Variants in GPR25 observed in about 807,000 individuals in gnomAD.
GPR25 encodes G protein-coupled receptor 25.
For missense variants in GPR25, 501 were observed against 503.0 expected, an observed-to-expected ratio of 1.00 and a Z score of 0.04; for synonymous variants, 280 against 264.9, an observed-to-expected ratio of 1.06 and a Z score of -0.55.
rs1487750758 is a variant in GPR25, at chr1:200,873,417, C to T, written c.380C>T (p.Ala127Val). 6.6e-7 allele frequency: 1 copy of T among 1,506,438 alleles called. No homozygotes were observed. The highest frequency in any genetic ancestry group is 8.8e-7 in the Non-Finnish European group (1 of 1,137,048). 93.3% of individuals were successfully genotyped at this position (1,506,438 alleles called of 1,614,324 possible). The change falls in exon 1 of 1, where the codon GCG becomes GTG. Residue 127 changes from alanine to valine, a missense_variant. Physicochemically the swap from Ala to Val is moderately conservative, Grantham distance 64. Transcript: ENST00000304244. The part of the protein sequence containing the change: ...FALAGTRCAG[A>V]LLLAGMSVDR... ...CTGGCGGGCACGCGCTGCGCGGGCG[C>T]GCTGCTGCTGGCGGGCATGAGCGTG... is the stretch of plus-strand genomic sequence containing the variant.
chr1:200,873,847 G>C lies in GPR25; in HGVS notation c.810G>C (p.Ala270=), dbSNP rs750566583. Residue 270 remains alanine, a synonymous_variant, in exon 1 of 1, where the codon GCG becomes GCC. Coordinates refer to ENST00000304244, the MANE Select transcript of GPR25 (RefSeq NM_005298.4). The part of the protein sequence containing the change: ...FSALRAVFHL[A]RLGALPLPCP... ...CCCTGCGGGCCGTCTTCCACCTGGCGCGTCTGGGGGCGCTGCCGCTGCCGT... is the reference window on the plus strand; with the variant it reads ...CCCTGCGGGCCGTCTTCCACCTGGCCCGTCTGGGGGCGCTGCCGCTGCCGT... 3 of 1,602,606 alleles carry C rather than the reference G, an allele frequency of 1.9e-6. No individual in the cohort carries two copies. The highest frequency in any genetic ancestry group is 2.2e-5 in the South Asian group (2 of 90,994).
chr1:200,873,298 C>T lies in GPR25; in HGVS notation c.261C>T (p.Gly87=). ...TGCACCTGGCGGCAGCTGACCTGGG[C>T]TTCGTGCTCACGCTGCCGCTGTGGG... ...FVLHLAAADL[G]FVLTLPLWAA... Residue 87 remains glycine, a synonymous_variant, in exon 1 of 1, where the codon GGC becomes GGT. Transcript: ENST00000304244. The T allele has an allele frequency of 6.5e-7, 1 of 1,539,206 alleles. No individual in the cohort carries two copies. Among genetic ancestry groups the T allele is most frequent in the Non-Finnish European group, 8.7e-7 (1 of 1,147,678 alleles).
Position 200,873,776 on chromosome 1 carries a change from T to G in GPR25, c.739T>G (p.Phe247Val). 1 of 1,599,334 alleles carries G rather than the reference T, an allele frequency of 6.3e-7. No homozygotes were observed. The highest frequency in any genetic ancestry group is 8.5e-7 in the Non-Finnish European group (1 of 1,179,264). Residue 247 changes from phenylalanine to valine, a missense_variant, in exon 1 of 1, where the codon TTC becomes GTC. By Grantham distance (50) the Phe-to-Val change is conservative. Coordinates refer to ENST00000304244, the MANE Select transcript of GPR25 (RefSeq NM_005298.4). ...CCGGAGGAACTCGCTGCGCATCATC[T>G]TCGCCATCGAGAGCACGTTTGTGGG... ...RARRNSLRII[F>V]AIESTFVGSW...
At position 200,873,899 on chromosome 1, in the gene GPR25, G is replaced by A; in HGVS notation, c.862G>A (p.Gly288Ser). The A allele has an allele frequency of 6.2e-7, 1 of 1,609,358 alleles. No homozygotes were observed. Among genetic ancestry groups the A allele is most frequent in the East Asian group, 2.2e-5 (1 of 44,806 alleles). ...CCCCCTGCTGCTGGCGCTGCGCTGG[G>A]GCCTCACCATTGCCACCTGCCTGGC... ...PCPLLLALRW[G>S]LTIATCLAFV... Residue 288 changes from glycine to serine, a missense_variant, in exon 1 of 1, where the codon GGC (glycine) becomes AGC (serine). By Grantham distance (56) the Gly-to-Ser change is moderately conservative. Transcript: ENST00000304244.
rs757879464 is a variant in GPR25, at chr1:200,873,069, C to T, written c.32C>T (p.Pro11Leu). MAPTEPWSPS[P>L]GSAPWDYSGL... ...CCCACAGAGCCCTGGAGCCCCAGCC[C>T]GGGGTCAGCGCCCTGGGACTACTCG... is the stretch of plus-strand genomic sequence containing the variant. Residue 11 changes from proline to leucine, a missense_variant, in exon 1 of 1, where the codon CCG (proline) becomes CTG (leucine). Coordinates refer to ENST00000304244, the MANE Select transcript of GPR25 (RefSeq NM_005298.4). 2 of 1,566,598 alleles carry T rather than the reference C, an allele frequency of 1.3e-6. No individual in the cohort carries two copies. The highest frequency in any genetic ancestry group is 4.6e-5 in the East Asian group (2 of 43,370).
Position 200,873,371 on chromosome 1 carries a change from T to C in GPR25, c.334T>C (p.Cys112Arg). Residue 112 changes from cysteine to arginine, a missense_variant, in exon 1 of 1, where the codon TGC becomes CGC. By Grantham distance (180) the Cys-to-Arg change is radical. Transcript: ENST00000304244. The part of the protein sequence containing the change: ...GGRWPFGDGL[C>R]KLSSFALAGT... ...CCGCTGGCCGTTCGGCGATGGCCTC[T>C]GCAAGCTCAGCAGCTTCGCGCTGGC... The C allele has an allele frequency of 2.0e-6, 3 of 1,494,400 alleles. No homozygotes were observed. Among genetic ancestry groups the C allele is most frequent in the Non-Finnish European group, 2.6e-6 (3 of 1,132,090 alleles). 92.6% of individuals were successfully genotyped at this position (1,494,400 alleles called of 1,614,324 possible). A position where few individuals can be genotyped will look rare whatever the true frequency, so the allele number is the denominator to read the frequency against.
chr1:200,873,049 A>G lies in GPR25; in HGVS notation c.12A>G (p.Thr4=). Residue 4 remains threonine (T), a synonymous_variant, in exon 1 of 1, where the codon ACA becomes ACG. Coordinates refer to ENST00000304244, the MANE Select transcript of GPR25 (RefSeq NM_005298.4). ...CTCATAGCCAGGCCATGGCCCCCAC[A>G]GAGCCCTGGAGCCCCAGCCCGGGGT... MAP[T]EPWSPSPGSA... is the part of the protein sequence containing the mutation. 6.5e-7 allele frequency: 1 copy of G among 1,548,802 alleles called. No individual in the cohort carries two copies. Among genetic ancestry groups the G allele is most frequent in the Non-Finnish European group, 8.7e-7 (1 of 1,151,264 alleles).
rs760291281 is a variant in GPR25 at position 200,874,031 on chromosome 1, A to AG, written c.996dup (p.Ile333AspfsTer?). 6.2e-7 allele frequency: 1 copy of AG among 1,611,380 alleles called. No homozygotes were observed. The highest frequency in any genetic ancestry group is 1.7e-5 in the Admixed American group (1 of 59,916). ...CGGGCGCACCGGCCGCCTGGCGCGA[A>AG]GGATCAGCTCAGCCTCCTCGCTCTC... On this transcript the variant is annotated frameshift_variant, in exon 1 of 1. Coordinates refer to ENST00000304244, the MANE Select transcript of GPR25 (RefSeq NM_005298.4). LOFTEE classifies it low-confidence loss of function (END_TRUNC).
Position 200,873,377 on chromosome 1 carries a change from C to A in GPR25, c.340C>A (p.Leu114Ile). 6.7e-7 allele frequency: 1 copy of A among 1,493,456 alleles called. No homozygotes were observed. Among genetic ancestry groups the A allele is most frequent in the South Asian group, 1.3e-5 (1 of 78,844 alleles). The allele number at this position is 1,493,456 out of a possible 1,614,324, so 92.5% of individuals were successfully genotyped here. A position where few individuals can be genotyped will look rare whatever the true frequency, so the allele number is the denominator to read the frequency against. ...RWPFGDGLCK[L>I]SSFALAGTRC... ...GCCGTTCGGCGATGGCCTCTGCAAG[C>A]TCAGCAGCTTCGCGCTGGCGGGCAC... Residue 114 changes from leucine (L) to isoleucine (I), a missense_variant, in exon 1 of 1, where the codon CTC becomes ATC. By Grantham distance (5) the Leu-to-Ile change is conservative (BLOSUM62 2). Transcript: ENST00000304244.
Position 200,873,843 on chromosome 1 carries a change from T to C in GPR25, c.806T>C (p.Leu269Pro). Reference sequence around the variant, plus strand: ...AGCGCCCTGCGGGCCGTCTTCCACCTGGCGCGTCTGGGGGCGCTGCCGCTG... The same window carrying C: ...AGCGCCCTGCGGGCCGTCTTCCACCCGGCGCGTCTGGGGGCGCTGCCGCTG... ...PFSALRAVFH[L>P]ARLGALPLPC... is the part of the protein sequence containing the mutation. The change falls in exon 1 of 1, where the codon CTG becomes CCG. Residue 269 changes from leucine to proline, a missense_variant. Transcript: ENST00000304244. 1 of 1,602,676 alleles carries C rather than the reference T, an allele frequency of 6.2e-7. No individual in the cohort carries two copies. The highest frequency in any genetic ancestry group is 8.5e-7 in the Non-Finnish European group (1 of 1,179,056).
chr1:200,873,464 A>T lies in GPR25; in HGVS notation c.427A>T (p.Lys143Ter). ...CGTGGACCGCTACCTGGCCGTGGTG[A>T]AGCTGCTCGAGGCGAGGCCACTGCG... ...MSVDRYLAVV[K>*]LLEARPLRTP... The change falls in exon 1 of 1, where the codon AAG becomes TAG. Residue 143 changes from lysine to a stop codon, truncating the protein, a stop_gained. Coordinates refer to ENST00000304244, the MANE Select transcript of GPR25 (RefSeq NM_005298.4). LOFTEE classifies it low-confidence loss of function (END_TRUNC). 1 of 1,561,670 alleles carries T rather than the reference A, an allele frequency of 6.4e-7. No homozygotes were observed. Among genetic ancestry groups the T allele is most frequent in the Non-Finnish European group, 8.6e-7 (1 of 1,162,990 alleles).
chr1:200,873,398 G>C lies in GPR25; in HGVS notation c.361G>C (p.Gly121Arg), dbSNP rs767975347. ...LCKLSSFALA[G>R]TRCAGALLLA... ...CAAGCTCAGCAGCTTCGCGCTGGCGGGCACGCGCTGCGCGGGCGCGCTGCT... is the reference window on the plus strand; with the variant it reads ...CAAGCTCAGCAGCTTCGCGCTGGCGCGCACGCGCTGCGCGGGCGCGCTGCT... The change falls in exon 1 of 1, where the codon GGC becomes CGC. Residue 121 changes from glycine (G) to arginine (R), a missense_variant. Coordinates refer to ENST00000304244, the MANE Select transcript of GPR25 (RefSeq NM_005298.4). 6.7e-7 allele frequency: 1 copy of C among 1,494,224 alleles called. No homozygotes were observed. Among genetic ancestry groups the C allele is most frequent in the Admixed American group, 2.3e-5 (1 of 43,622 alleles). 92.6% of individuals were successfully genotyped at this position (1,494,224 alleles called of 1,614,324 possible).
Position 200,873,507 on chromosome 1 carries a change from T to C in GPR25, c.470T>C (p.Leu157Pro). 2.6e-6 allele frequency: 4 copies of C among 1,561,572 alleles called. 1 individual carries two copies. The South Asian group carries it at 3.5e-5, about 14-fold the overall frequency. The part of the protein sequence containing the change: ...ARPLRTPRCA[L>P]ASCCGVWAVA... Reference sequence around the variant, plus strand: ...CCACTGCGCACCCCGCGCTGCGCGCTGGCCTCGTGCTGCGGCGTCTGGGCC... The same window carrying C: ...CCACTGCGCACCCCGCGCTGCGCGCCGGCCTCGTGCTGCGGCGTCTGGGCC... The change falls in exon 1 of 1, where the codon CTG (leucine) becomes CCG (proline). Residue 157 changes from leucine (L) to proline (P), a missense_variant. By Grantham distance (98) the Leu-to-Pro change is moderately conservative. Transcript: ENST00000304244.
rs1230411541 is a variant in GPR25 at position 200,873,855 on chromosome 1, G to A, written c.818G>A (p.Gly273Glu). The change falls in exon 1 of 1, where the codon GGG becomes GAG. Residue 273 changes from glycine to glutamate, a missense_variant. Coordinates refer to ENST00000304244, the MANE Select transcript of GPR25 (RefSeq NM_005298.4). ...LRAVFHLARL[G>E]ALPLPCPLLL... ...GCCGTCTTCCACCTGGCGCGTCTGG[G>A]GGCGCTGCCGCTGCCGTGCCCCCTG... The A allele has an allele frequency of 1.2e-6, 2 of 1,603,758 alleles. No individual in the cohort carries two copies. Among genetic ancestry groups the A allele is most frequent in the Non-Finnish European group, 1.7e-6 (2 of 1,178,854 alleles).
rs1667995529 is a variant in GPR25 at position 200,873,303 on chromosome 1, T to C, written c.266T>C (p.Val89Ala). The C allele has an allele frequency of 1.0e-5, 16 of 1,533,308 alleles. No individual in the cohort carries two copies. Among genetic ancestry groups the C allele is most frequent in the Non-Finnish European group, 1.4e-5 (16 of 1,145,246 alleles). The allele number at this position is 1,533,308 out of a possible 1,614,324, so 95.0% of individuals were successfully genotyped here. ...LHLAAADLGF[V>A]LTLPLWAAAA... ...CTGGCGGCAGCTGACCTGGGCTTCG[T>C]GCTCACGCTGCCGCTGTGGGCCGCG... Residue 89 changes from valine to alanine, a missense_variant, in exon 1 of 1, where the codon GTG (valine) becomes GCG (alanine). Coordinates refer to ENST00000304244, the MANE Select transcript of GPR25 (RefSeq NM_005298.4).
chr1:200,873,250 G>T lies in GPR25; in HGVS notation c.213G>T (p.Arg71=). 1 of 1,574,584 alleles carries T rather than the reference G, an allele frequency of 6.4e-7. No individual in the cohort carries two copies. The highest frequency in any genetic ancestry group is 1.3e-5 in the African/African-American group (1 of 74,264). ...TGCTGGCCGGGCGGCGGGGCCCGCG[G>T]CGGCTGGTGGATACCTTCGTGCTGC... ...VWLLAGRRGP[R]RLVDTFVLHL... Residue 71 remains arginine, a synonymous_variant, in exon 1 of 1, where the codon CGG becomes CGT. Transcript: ENST00000304244.
chr1:200,873,787 G>A lies in GPR25; in HGVS notation c.750G>A (p.Glu250=), dbSNP rs2102285592. ...CGCTGCGCATCATCTTCGCCATCGA[G>A]AGCACGTTTGTGGGCTCCTGGCTGC... The part of the protein sequence containing the change: ...RNSLRIIFAI[E]STFVGSWLPF... The change falls in exon 1 of 1, where the codon GAG becomes GAA. Residue 250 remains glutamate (E), a synonymous_variant. Transcript: ENST00000304244. 2.5e-6 allele frequency: 4 copies of A among 1,599,682 alleles called. No individual in the cohort carries two copies. The highest frequency in any genetic ancestry group is 3.4e-6 in the Non-Finnish European group (4 of 1,179,334).
rs1391728005 is a variant in GPR25, at chr1:200,873,492, C to A, written c.455C>A (p.Thr152Asn). 3.8e-6 allele frequency: 6 copies of A among 1,562,850 alleles called. No individual in the cohort carries two copies. Among genetic ancestry groups the A allele is most frequent in the Non-Finnish European group, 5.2e-6 (6 of 1,163,122 alleles). ...CTGCTCGAGGCGAGGCCACTGCGCA[C>A]CCCGCGCTGCGCGCTGGCCTCGTGC... Reference protein sequence around the residue: ...VKLLEARPLRTPRCALASCCG... With the variant: ...VKLLEARPLRNPRCALASCCG... Residue 152 changes from threonine to asparagine, a missense_variant, in exon 1 of 1, where the codon ACC (threonine) becomes AAC (asparagine). Thr to Asn is a moderately conservative substitution (Grantham distance 65). Coordinates refer to ENST00000304244, the MANE Select transcript of GPR25 (RefSeq NM_005298.4).
Position 200,873,678 on chromosome 1 carries a change from C to G in GPR25, c.641C>G (p.Pro214Arg), listed in dbSNP as rs1668003328. The change falls in exon 1 of 1, where the codon CCC becomes CGC. Residue 214 changes from proline (P) to arginine (R), a missense_variant. Coordinates refer to ENST00000304244, the MANE Select transcript of GPR25 (RefSeq NM_005298.4). ...CTGCTGCTGCTGACCTTCGTGCTGCCCCTGGTCGTCACCCTCTTCTGCTAC... is the reference window on the plus strand; with the variant it reads ...CTGCTGCTGCTGACCTTCGTGCTGCGCCTGGTCGTCACCCTCTTCTGCTAC... ...LLLLLLTFVL[P>R]LVVTLFCYCR... 5 of 1,598,204 alleles carry G rather than the reference C, an allele frequency of 3.1e-6. No individual in the cohort carries two copies. Among genetic ancestry groups the G allele is most frequent in the Non-Finnish European group, 4.2e-6 (5 of 1,179,524 alleles).
Sources: allele counts gnomAD v4.1 joint callset, GRCh38; gene constraint gnomAD v4.1.1; transcripts MANE v1.5; gene names NCBI Gene and HGNC (gene_info 2026-07-23, HGNC 2026-07-21).